NDST3: variants seen among roughly 807,000 people sequenced by gnomAD.
The protein encoded by NDST3 is bifunctional heparan sulfate N-deacetylase/N-sulfotransferase 3.
NDST3 carries 58 observed loss-of-function variants against 96.1 expected under a neutral mutation model. The ratio of observed to expected loss-of-function variants is 0.60; its 90% CI spans 0.49 to 0.75. The LOEUF (loss-of-function observed/expected upper bound fraction) is 0.75. Ranked by LOEUF, NDST3 falls within the 30% of genes least tolerant of loss-of-function variation. NDST3 has a pLI of 0.00. For missense variants in NDST3, 788 were observed against 1,034.2 expected (o/e 0.76, Z 3.27); for synonymous variants, 333 against 359.7 (o/e 0.93, Z 0.84).
chr4:118,091,135 T>C (rs1728833935), intron 2 of NDST3, among the ~76,000 whole-genome samples: 1 of 151,506 alleles, frequency 6.6e-6, no homozygotes, highest in African/African-American at 2.4e-5. Flanking sequence ...CAGATATAGA[T>C]ACTTGAGGGT....
At chr4:118,178,907 A>G (rs2125947447) in intron 6 of NDST3, among the ~76,000 whole-genome samples, 1 of 152,162 alleles carries the variant, frequency 6.6e-6, no homozygotes, top group Admixed American at 6.6e-5. Flanking sequence ...GTATTGCCAA[A>G]TATTGTGATT....
In NDST3 at chr4:118,197,957, G is replaced by A. The variant is rs533134846; in HGVS notation, c.1540-26534G>A. On this transcript the variant is annotated intron_variant, in intron 6 of 13. Transcript: ENST00000296499. ...TGAGACTACAGACACACACCACCAC[G>A]CCCAGCTAATTTTTGTATTTTTAGT... is the stretch of plus-strand genomic sequence containing the variant. 1.3e-4 allele frequency among the ~76,000 whole-genome samples: 19 copies of A among 151,684 alleles called. No individual in the cohort carries two copies. The South Asian group carries it at 1.7e-3, about 13-fold the overall frequency.
At chr4:118,106,350 T>C (rs761788424) in intron 3 of NDST3, among the ~76,000 whole-genome samples, 87 of 152,184 alleles carry the variant, frequency 5.7e-4, no homozygotes, top group Admixed American at 1.6e-3. Context: ...AGAACATGAA[T>C]TTTTTTTCTT....
chr4:118,045,014 A>G (rs1724682189), intron 1 of NDST3, among the ~76,000 whole-genome samples: 1 of 152,182 alleles, frequency 6.6e-6, no homozygotes, highest in Non-Finnish European at 1.5e-5. Flanking sequence ...TGGCGGACAC[A>G]TACAAACCAT....
At chr4:118,131,152 C>G (rs940842159) in intron 4 of NDST3, among the ~76,000 whole-genome samples, 4 of 152,222 alleles carry the variant, frequency 2.6e-5, no homozygotes, top group African/African-American at 2.4e-5. Flanking sequence ...TTTGAATAAA[C>G]TTTTTACCCT....
upstream of NDST3, chr4:118,034,029 A>G (rs1197922281): frequency 6.6e-6 from 1 of 152,198 alleles, no homozygotes; most frequent in Non-Finnish European, 1.5e-5. Flanking sequence ...GCTTGGAATG[A>G]GGGAGTCCTG....
intron 12 of NDST3, among the ~76,000 whole-genome samples, chr4:118,250,267 C>A (rs961406776): frequency 1.3e-5 from 2 of 152,186 alleles, no homozygotes; most frequent in African/African-American, 4.8e-5. Flanking sequence ...AGAAACTTTA[C>A]AAAGAGGCTG....
At chr4:118,137,380 A>G (rs1733196076) in intron 4 of NDST3, among the ~76,000 whole-genome samples, 1 of 151,702 alleles carries the variant, frequency 6.6e-6, no homozygotes, top group South Asian at 2.1e-4. Context: ...CATTTTATGT[A>G]CAAGAGCTTG....
chr4:118,123,296 A>T (rs1731761589), intron 4 of NDST3, among the ~76,000 whole-genome samples: 1 of 152,128 alleles, frequency 6.6e-6, no homozygotes. Context: ...AATTAGTACT[A>T]TGTAGACTTC....
intron 4 of NDST3, among the ~76,000 whole-genome samples, chr4:118,126,861 C>G (rs1389996268): frequency 2.0e-5 from 3 of 151,904 alleles, no homozygotes; most frequent in Admixed American, 2.0e-4. Flanking sequence ...TTTGTTGTTG[C>G]CTGTCTTTTT....
intron 6 of NDST3, among the ~76,000 whole-genome samples, chr4:118,164,179 C>T (rs1372032206): frequency 6.6e-6 from 1 of 152,154 alleles, no homozygotes; most frequent in African/African-American, 2.4e-5. Context: ...AACAAAATCA[C>T]ATCCTTTGCA....
chr4:118,086,469 C>T (rs1195252035), intron 2 of NDST3, among the ~76,000 whole-genome samples: 1 of 152,020 alleles, frequency 6.6e-6, no homozygotes, highest in African/African-American at 2.4e-5. Context: ...CACCACCCAC[C>T]CGCCCTCTGA....
chr4:118,092,458 G>T (rs936584246), intron 2 of NDST3, among the ~76,000 whole-genome samples: 12 of 151,766 alleles, frequency 7.9e-5, no homozygotes, highest in African/African-American at 2.7e-4. Flanking sequence ...GGCCGTTTCT[G>T]ATTCTGATTC....
At chr4:118,144,003 A>AT (rs111242608) in intron 6 of NDST3, among the ~76,000 whole-genome samples, 34,148 of 150,950 alleles carry the variant, frequency 0.23, 4,175 homozygotes, top group African/African-American at 0.32. Flanking sequence ...ACGGGGAACC[A>AT]TTTTTTTTTC....
At position 118,256,156 on chromosome 4, in the gene NDST3, T is replaced by C. The variant is rs1178542554; in HGVS notation, c.*444T>C. 1 of 152,276 alleles carries C rather than the reference T, an allele frequency of 6.6e-6. No homozygotes were observed. Among genetic ancestry groups the C allele is most frequent in the Non-Finnish European group, 1.5e-5 (1 of 68,100 alleles). 9.4% of individuals were successfully genotyped at this position (152,276 alleles called of 1,614,324 possible). ...TATGAAACAAGAAGCAAAATAAACA[T>C]CACAATGTAGCATAAAATGTCAAAA... On this transcript the variant is annotated 3_prime_UTR_variant, in exon 14 of 14. Transcript: ENST00000296499.
intron 6 of NDST3, among the ~76,000 whole-genome samples, chr4:118,214,806 C>T (rs565275039): frequency 1.3e-5 from 2 of 152,142 alleles, no homozygotes; most frequent in African/African-American, 4.8e-5. Context: ...GTCTGGAATG[C>T]CCTCAGTTTT....
chr4:118,073,619 C>T (rs1031287948), intron 2 of NDST3, among the ~76,000 whole-genome samples: 1 of 151,880 alleles, frequency 6.6e-6, no homozygotes, highest in African/African-American at 2.4e-5. Flanking sequence ...CTCTTTTTCT[C>T]TTTATTTGTC....
chr4:118,112,301 T>TA (rs1178874270), intron 3 of NDST3, among the ~76,000 whole-genome samples: 1 of 151,996 alleles, frequency 6.6e-6, no homozygotes, highest in Non-Finnish European at 1.5e-5. Flanking sequence ...AGAGGCCAAC[T>TA]AAAAAAACAT....
intron 10 of NDST3, among the ~76,000 whole-genome samples, chr4:118,240,173 A>G (rs547627188): frequency 1.5e-4 from 23 of 151,916 alleles, no homozygotes; most frequent in Non-Finnish European, 1.5e-5. Context: ...GACACTATAA[A>G]TGGTTTGCTT....
Sources: allele counts gnomAD v4.1 joint callset (sites outside exome capture counted in the v4.1 genomes callset), GRCh38; gene constraint gnomAD v4.1.1; transcripts MANE v1.5; gene names NCBI Gene and HGNC (gene_info 2026-07-23, HGNC 2026-07-21).